The following ZNF385D variants were observed in gnomAD, a reference collection of about 807,000 sequenced individuals.
ZNF385D encodes zinc finger protein 385D.
Under a neutral mutation model 35.8 loss-of-function variants are expected in ZNF385D, and 15 were observed. The ratio of observed to expected loss-of-function variants is 0.42; its 90% confidence interval spans 0.28 to 0.64. The LOEUF (loss-of-function observed/expected upper bound fraction) is 0.64. Ranked by LOEUF, ZNF385D falls within the 30% of genes least tolerant of loss-of-function variation. The pLI is 0.23. For missense variants in ZNF385D, 474 were observed against 494.6 expected (o/e 0.96, Z 0.39); for synonymous variants, 212 against 186.8 (o/e 1.13, Z -1.10).
intron 3 of ZNF385D, among the ~76,000 whole-genome samples, chr3:21,951,469 A>T (rs913803592): frequency 4.0e-5 from 6 of 151,708 alleles, no homozygotes; most frequent in African/African-American, 1.5e-4. Flanking sequence ...GGTATTCTAA[A>T]TAAATATACA....
intron 2 of ZNF385D, among the ~76,000 whole-genome samples, chr3:22,363,242 G>A (rs1696499225): frequency 1.3e-5 from 2 of 151,984 alleles, no homozygotes; most frequent in Admixed American, 6.6e-5. Context: ...ATTCCCCAAA[G>A]AGTCAAGCAG....
At chr3:22,351,640 A>T (rs138293573) in intron 2 of ZNF385D, among the ~76,000 whole-genome samples, 2 of 152,290 alleles carry the variant, frequency 1.3e-5, no homozygotes, top group Non-Finnish European at 2.9e-5. Context: ...GTAAGCTAAA[A>T]ATCCAGTGCA....
At chr3:22,295,786 G>T (rs1429370362) in intron 2 of ZNF385D, among the ~76,000 whole-genome samples, 2 of 152,050 alleles carry the variant, frequency 1.3e-5, no homozygotes, top group Non-Finnish European at 2.9e-5. Context: ...CACCTTCTCA[G>T]TAACAACTGA....
intron 3 of ZNF385D, among the ~76,000 whole-genome samples, chr3:21,549,799 T>C (rs1447610752): frequency 1.3e-5 from 2 of 152,198 alleles, no homozygotes; most frequent in African/African-American, 4.8e-5. Context: ...CAGGACACTC[T>C]CTTATGAAAG....
chr3:21,829,319 G>A (rs1366922490), intron 3 of ZNF385D, among the ~76,000 whole-genome samples: 2 of 152,244 alleles, frequency 1.3e-5, no homozygotes, highest in African/African-American at 2.4e-5. Flanking sequence ...TGAGACTTGA[G>A]ATCCAAATAA....
rs78973034 is a variant in ZNF385D, at chr3:21,786,266, G to C, written c.326-121238C>G. On this transcript the variant is annotated intron_variant, in intron 3 of 5. Transcript: ENST00000494108. Reference sequence around the variant, plus strand: ...CTACTGCCTGTATTGGGAAAAGACAGGTCACTGTGTCCTACGCACGGCATG... The same window carrying C: ...CTACTGCCTGTATTGGGAAAAGACACGTCACTGTGTCCTACGCACGGCATG... Among the ~76,000 whole-genome samples the C allele has an allele frequency of 1.7e-3, 259 of 152,232 alleles. 3 individuals carry two copies. Among genetic ancestry groups the C allele is most frequent in the African/African-American group, 5.8e-3 (240 of 41,550 alleles).
intron 3 of ZNF385D, among the ~76,000 whole-genome samples, chr3:21,834,843 AGT>A (rs1436837468): frequency 2.0e-5 from 3 of 152,084 alleles, no homozygotes; most frequent in Non-Finnish European, 2.9e-5. Flanking sequence ...GTGGTTTAAA[AGT>A]GTGGTACTTC....
chr3:21,963,055 C>A (rs7642008), intron 3 of ZNF385D, among the ~76,000 whole-genome samples: 37,054 of 152,060 alleles, frequency 0.24, 5,072 homozygotes, highest in East Asian at 0.32. Context: ...ATCTTTTATT[C>A]AATAGTTTTA....
chr3:21,750,455 G>T (rs1049239066), intron 1 of ZNF385D, among the ~76,000 whole-genome samples: 1 of 152,112 alleles, frequency 6.6e-6, no homozygotes, highest in African/African-American at 2.4e-5. Context: ...TTCCTTTTCC[G>T]CCTCAGAACA....
intron 2 of ZNF385D, among the ~76,000 whole-genome samples, chr3:22,304,758 T>C (rs1188225871): frequency 6.6e-6 from 1 of 152,176 alleles, no homozygotes; most frequent in African/African-American, 2.4e-5. Context: ...TTAAATTCTC[T>C]CTTCACACAA....
At chr3:21,882,727 C>A (rs1698342997) in intron 3 of ZNF385D, among the ~76,000 whole-genome samples, 1 of 151,998 alleles carries the variant, frequency 6.6e-6, no homozygotes, top group South Asian at 2.1e-4. Context: ...GTCTGAGAAA[C>A]AGCTAGTAAT....
At position 21,412,222 on chromosome 3, in the gene ZNF385D, T is replaced by A. The variant is rs1252793232; in HGVS notation, c.*8992A>T. ...GGAACAAGCATCATCCAGAACTGAA[T>A]GAAAATAAGATATTTTACTTTTTTT... is the stretch of plus-strand genomic sequence containing the variant. On this transcript the variant is annotated 3_prime_UTR_variant, in exon 8 of 8. Transcript: ENST00000281523. 1 of 152,046 alleles carries A rather than the reference T, an allele frequency of 6.6e-6. No individual in the cohort carries two copies. The highest frequency in any genetic ancestry group is 1.5e-5 in the Non-Finnish European group (1 of 67,962). 9.4% of individuals were successfully genotyped at this position (152,046 alleles called of 1,614,324 possible).
chr3:21,546,854 G>C (rs1304625587), intron 3 of ZNF385D, among the ~76,000 whole-genome samples: 1 of 151,798 alleles, frequency 6.6e-6, no homozygotes, highest in African/African-American at 2.4e-5. Flanking sequence ...CGCTTCATGG[G>C]TTCAAGTCAC....
At chr3:21,485,563 T>C (rs1398406378) in intron 4 of ZNF385D, among the ~76,000 whole-genome samples, 1 of 152,158 alleles carries the variant, frequency 6.6e-6, no homozygotes, top group Non-Finnish European at 1.5e-5. Flanking sequence ...TCTATGTTTT[T>C]TTAATATAGA....
chr3:21,919,097 G>A lies in ZNF385D; in HGVS notation c.325+249720C>T, dbSNP rs573929460. 1.6e-4 allele frequency among the ~76,000 whole-genome samples: 24 copies of A among 152,276 alleles called. No homozygotes were observed. The South Asian group carries it at 4.1e-3, about 26-fold the overall frequency. ...ACATTTGTTTGAAGAGTTGTCTCTTGTATCTTTCTCTGATAGTGTTATTAT... is the reference window on the plus strand; with the variant it reads ...ACATTTGTTTGAAGAGTTGTCTCTTATATCTTTCTCTGATAGTGTTATTAT... On this transcript the variant is annotated intron_variant, in intron 3 of 5. Transcript: ENST00000494108.
At chr3:21,686,373 A>C (rs2067104512) in intron 1 of ZNF385D, among the ~76,000 whole-genome samples, 1 of 152,172 alleles carries the variant, frequency 6.6e-6, no homozygotes, top group Admixed American at 6.6e-5. Context: ...CGGAATTGTA[A>C]AAAAATAACC....
rs551575857 is a variant in ZNF385D, at chr3:22,281,806, A to C, written c.106+90644T>G. Among the ~76,000 whole-genome samples the C allele has an allele frequency of 1.2e-4, 18 of 152,240 alleles. No individual in the cohort carries two copies. The Middle Eastern group carries it at 0.01, about 86-fold the overall frequency. ...TTTCTCTATCTTGTGGAATAGTGTC[A>C]ATAGGATTGGTACCAATTGTTTGAA... On this transcript the variant is annotated intron_variant, in intron 2 of 5. Transcript: ENST00000494108.
chr3:21,832,403 A>C (rs749868464), intron 3 of ZNF385D, among the ~76,000 whole-genome samples: 12 of 152,190 alleles, frequency 7.9e-5, no homozygotes, highest in Non-Finnish European at 1.6e-4. Context: ...TAATTTGAAA[A>C]TTGCTAGGGC....
chr3:22,071,238 G>T (rs930322910), intron 3 of ZNF385D, among the ~76,000 whole-genome samples: 1 of 152,014 alleles, frequency 6.6e-6, no homozygotes, highest in Non-Finnish European at 1.5e-5. Context: ...TATCCCAAAG[G>T]TTCCAACTCA....
Sources: allele counts gnomAD v4.1 joint callset (sites outside exome capture counted in the v4.1 genomes callset), GRCh38; gene constraint gnomAD v4.1.1; transcripts MANE v1.5; gene names NCBI Gene and HGNC (gene_info 2026-07-23, HGNC 2026-07-21).